The following RIC1 variants were observed in gnomAD, a reference collection of about 807,000 sequenced individuals.
The protein encoded by RIC1 is RIC1 partner of RAB6A GEF complex, also known as guanine nucleotide exchange factor subunit RIC1.
In RIC1, 88 loss-of-function variants were observed where a neutral mutation model predicts 169.0. The observed-to-expected ratio is 0.52, with a 90% CI of 0.44 to 0.62. The LOEUF is 0.62. Ranked by LOEUF, RIC1 falls within the 20% of genes least tolerant of loss-of-function variation. The pLI, the probability that RIC1 is intolerant of heterozygous loss-of-function variation, is 0.00. For missense variants in RIC1, 1,877 were observed against 1,725.5 expected (o/e 1.09, Z -1.56); for synonymous variants, 790 against 601.5 (o/e 1.31, Z -4.59).
Position 5,763,026 on chromosome 9 carries a change from T to A in RIC1, c.2113-114T>A. On this transcript the variant is annotated intron_variant, in intron 18 of 25. Coordinates refer to ENST00000414202, the MANE Select transcript of RIC1 (RefSeq NM_020829.4). The surrounding 1 kb of genome is among the most constrained non-coding windows in gnomAD (Gnocchi z 5.2). ...AATTCTAATTAGATCCCTTTGCTTT[T>A]CCCAAAAAAATATTATACTATCATT... The A allele has an allele frequency of 7.7e-7, 1 of 1,300,886 alleles. No individual in the cohort carries two copies. The highest frequency in any genetic ancestry group is 1.0e-6 in the Non-Finnish European group (1 of 962,776). 80.6% of individuals were successfully genotyped at this position (1,300,886 alleles called of 1,614,324 possible).
chr9:5,763,880 C>G lies in RIC1; in HGVS notation c.2841+12C>G. On this transcript the variant is annotated intron_variant, in intron 19 of 25. Transcript: ENST00000414202. The surrounding 1 kb of genome is among the most constrained non-coding windows in gnomAD (Gnocchi z 5.2). Reference sequence around the variant, plus strand: ...TTATTATCTTACAGGTAACAATTCTCTTCTTATAAAGGGGCAAGAATTAAT... The same window carrying G: ...TTATTATCTTACAGGTAACAATTCTGTTCTTATAAAGGGGCAAGAATTAAT... 1 of 1,593,010 alleles carries G rather than the reference C, an allele frequency of 6.3e-7. No homozygotes were observed. The highest frequency in any genetic ancestry group is 8.6e-7 in the Non-Finnish European group (1 of 1,166,976).
rs751958383 is a variant in RIC1 at position 5,774,177 on chromosome 9, G to A, written c.4203G>A (p.Glu1401=). Residue 1401 remains glutamate, a synonymous_variant, in exon 26 of 26, where the codon GAG becomes GAA. Transcript: ENST00000414202. ...VGSSNMVSRK[E]EDTAQAEEEE... ...GCAGCAATATGGTCAGCCGGAAAGA[G>A]GAGGACACAGCCCAAGCAGAGGAGG... The A allele has an allele frequency of 2.5e-6, 4 of 1,613,570 alleles. No individual in the cohort carries two copies. In the East Asian group the frequency reaches 9.0e-5, roughly 36 times the overall value.
At chr9:5,691,748 A>G (rs1167882559) in intron 3 of RIC1, among the ~76,000 whole-genome samples, 1 of 151,994 alleles carries the variant, frequency 6.6e-6, no homozygotes, top group Non-Finnish European at 1.5e-5. Context: ...TAATTTAGAC[A>G]TGTTCCTATA....
Position 5,763,242 on chromosome 9 carries a change from C to T in RIC1, c.2215C>T (p.Leu739=), listed in dbSNP as rs1826457138. ...ACGTCACCTTCTGGAGGCCCTCTGG[C>T]TGAGCTGTGGTGGTGCAGGGATGAA... ...QKRHLLEALW[L]SCGGAGMKVW... Residue 739 remains leucine (L), a synonymous_variant, in exon 19 of 26, where the codon CTG becomes TTG. Transcript: ENST00000414202. This position sits in a 1 kb window ranked among gnomAD's most constrained non-coding sequence, Gnocchi z 5.2. The T allele has an allele frequency of 6.2e-7, 1 of 1,614,008 alleles. No individual in the cohort carries two copies.
chr9:5,689,916 A>C (rs1586954552), intron 2 of RIC1, 43 bp from the exon 3 acceptor site: 1 of 1,304,468 alleles, frequency 7.7e-7, no homozygotes, highest in East Asian at 2.4e-5. Flanking sequence ...TTACAGTTAT[A>C]GCCTTACTCT....
intron 2 of RIC1, among the ~76,000 whole-genome samples, chr9:5,666,988 C>G (rs578252641): frequency 1.4e-3 from 207 of 151,882 alleles, no homozygotes; most frequent in African/African-American, 4.8e-3. Context: ...TCCCTTTTTT[C>G]TTAACTTACC....
intron 1 of RIC1, among the ~76,000 whole-genome samples, chr9:5,640,660 G>A (rs951602739): frequency 2.6e-5 from 4 of 152,160 alleles, no homozygotes; most frequent in African/African-American, 4.8e-5. Context: ...ACTCTTCTGT[G>A]TTTTTCTGTG....
chr9:5,769,592 C>CA, intron 22 of RIC1: 1 of 611,406 alleles, frequency 1.6e-6, no homozygotes, highest in Non-Finnish European at 2.5e-6. Context: ...ACATGGACCT[C>CA]AAAGTAAGCT....
intron 23 of RIC1, 70 bp downstream of exon 23, chr9:5,770,348 G>C: frequency 1.6e-6 from 2 of 1,253,718 alleles, no homozygotes; most frequent in Non-Finnish European, 2.3e-6. Flanking sequence ...GCACTTCAGA[G>C]ATAGACCTTC....
chr9:5,747,408 A>G lies in RIC1; in HGVS notation c.1355A>G (p.His452Arg), dbSNP rs369176218. 3.1e-6 allele frequency: 5 copies of G among 1,614,008 alleles called. No individual in the cohort carries two copies. Among genetic ancestry groups the G allele is most frequent in the Non-Finnish European group, 4.2e-6 (5 of 1,179,966 alleles). Residue 452 changes from histidine to arginine, a missense_variant, in exon 12 of 26, where the codon CAT becomes CGT. Transcript: ENST00000414202. ...NPRSSSTHSE[H>R]KPSREKSPFA... is the part of the protein sequence containing the mutation. The stretch of plus-strand genomic sequence containing the variant: ...AGGAGTTCTTCAACACACTCTGAGC[A>G]TAAGCCCAGTCGAGAAAAGAGCCCA...
intron 2 of RIC1, among the ~76,000 whole-genome samples, chr9:5,662,478 T>C (rs531121055): frequency 6.6e-6 from 1 of 151,654 alleles, no homozygotes; most frequent in Non-Finnish European, 1.5e-5. Context: ...TTTTTTTTTT[T>C]GGGTTGCTAG....
chr9:5,773,946 T>A lies in RIC1; in HGVS notation c.3984-12T>A, dbSNP rs1243464379. The A allele has an allele frequency of 1.3e-6, 2 of 1,548,418 alleles. No homozygotes were observed. Among genetic ancestry groups the A allele is most frequent in the African/African-American group, 2.8e-5 (2 of 72,362 alleles). Reference sequence around the variant, plus strand: ...TATGGCAGATGAGCTAATGTTTTTTTTCTCTACATAGTCCTGGATATAAGC... The same window carrying A: ...TATGGCAGATGAGCTAATGTTTTTTATCTCTACATAGTCCTGGATATAAGC... On this transcript the variant is annotated splice_polypyrimidine_tract_variant and intron_variant, in intron 25 of 25. Coordinates refer to ENST00000414202, the MANE Select transcript of RIC1 (RefSeq NM_020829.4).
At chr9:5,690,911 A>G (rs982038399) in intron 3 of RIC1, among the ~76,000 whole-genome samples, 1 of 151,958 alleles carries the variant, frequency 6.6e-6, no homozygotes, top group African/African-American at 2.4e-5. Context: ...AAGAGAAAGT[A>G]TTTAGACCCA....
At chr9:5,659,478 G>C (rs780036513) in intron 2 of RIC1, among the ~76,000 whole-genome samples, 5 of 152,168 alleles carry the variant, frequency 3.3e-5, no homozygotes, top group African/African-American at 7.2e-5. Flanking sequence ...CATAAGTTCA[G>C]TATCATCTAT....
chr9:5,682,645 G>C (rs571595400), intron 2 of RIC1, among the ~76,000 whole-genome samples: 42 of 151,718 alleles, frequency 2.8e-4, no homozygotes, highest in African/African-American at 9.4e-4. Flanking sequence ...TCTTGGAGTT[G>C]CTCTTCTCAA....
At chr9:5,682,991 T>A (rs534048666) in intron 2 of RIC1, among the ~76,000 whole-genome samples, 2 of 152,374 alleles carry the variant, frequency 1.3e-5, no homozygotes, top group South Asian at 4.1e-4. Context: ...CACGTAGTTC[T>A]CGTGCCATGG....
At chr9:5,713,641 G>T in intron 3 of RIC1, 1 of 274,552 alleles carries the variant, frequency 3.6e-6, no homozygotes, top group Non-Finnish European at 6.9e-6. Context: ...TTTCAAGTGG[G>T]TTTTTTTCTC....
At chr9:5,643,846 A>G (rs1818372303) in intron 1 of RIC1, among the ~76,000 whole-genome samples, 1 of 152,234 alleles carries the variant, frequency 6.6e-6, no homozygotes, top group Non-Finnish European at 1.5e-5. Context: ...ACCTGCCACA[A>G]AATGAGACAG....
intron 2 of RIC1, among the ~76,000 whole-genome samples, chr9:5,677,996 C>G (rs1177737118): frequency 1.3e-5 from 2 of 151,982 alleles, no homozygotes; most frequent in African/African-American, 2.4e-5. Context: ...ATCCCTCCCC[C>G]CTGCCCCCAC....
Sources: gnomAD v4.1 joint callset for allele counts (sites outside exome capture counted in the v4.1 genomes callset) on GRCh38, gnomAD v4.1.1 for gene constraint, Gnocchi (gnomAD v3.1) non-coding constraint, MANE v1.5 for transcripts, NCBI Gene and HGNC (gene_info 2026-07-23, HGNC 2026-07-21) for gene names.